The following SNRPN variants were observed in gnomAD, a reference collection of about 807,000 sequenced individuals.
SNRPN encodes the protein small nuclear ribonucleoprotein-associated protein N.
In SNRPN, 7 loss-of-function variants were observed where a neutral mutation model predicts 25.2. The observed-to-expected ratio is 0.28, with a 90% CI of 0.16 to 0.52. SNRPN has a LOEUF of 0.52. Ranked by LOEUF, SNRPN falls within the 20% of genes least tolerant of loss-of-function variation. SNRPN has a pLI of 0.96. For missense variants in SNRPN, 196 were observed against 322.5 expected, an observed-to-expected ratio of 0.61 and a Z score of 3.00; for synonymous variants, 124 against 110.6, an observed-to-expected ratio of 1.12 and a Z score of -0.76.
At chr15:24,909,871 G>A in intron 2 of SNRPN, 1 of 770,790 alleles carries the variant, frequency 1.3e-6, no homozygotes, top group Admixed American at 2.0e-5. Context: ...GAGACCAGCA[G>A]GCACAGCGGC....
chr15:24,861,633 T>C (rs2147338523), intron 1 of SNRPN, among the ~76,000 whole-genome samples: 1 of 152,306 alleles, frequency 6.6e-6, no homozygotes, highest in South Asian at 2.1e-4. Flanking sequence ...GTGACAGCTT[T>C]GACATCTCTA....
intron 2 of SNRPN, among the ~76,000 whole-genome samples, chr15:24,836,007 A>C (rs72693643): frequency 0.14 from 21,551 of 152,034 alleles, 1,791 homozygotes; most frequent in East Asian, 0.29. Context: ...ATAACAAAGT[A>C]CCAGAGACTG....
chr15:24,928,761 A>G (rs1484109311), intron 3 of SNRPN, among the ~76,000 whole-genome samples: 1 of 151,914 alleles, frequency 6.6e-6, no homozygotes, highest in African/African-American at 2.4e-5. Flanking sequence ...ACATGCCATC[A>G]TGCCTAGCTA....
rs972960483 is a variant in SNRPN at position 24,891,713 on chromosome 15, C to T, written c.-505+5124C>T. On this transcript the variant is annotated intron_variant, in intron 2 of 11. Transcript: ENST00000400097. ...TCGGCCTCCCAAAGTGTTGGGATTA[C>T]AGGGATGAGCCACCACACCCGGCAA... Among the ~76,000 whole-genome samples, 46 of 152,100 alleles carry T rather than the reference C, an allele frequency of 3.0e-4. 1 individual carries two copies. Among genetic ancestry groups the T allele is most frequent in the Non-Finnish European group, 5.9e-5 (4 of 68,018 alleles).
At chr15:24,920,061 C>A (rs1244091300) in exon 3 of SNRPN, 4 of 152,168 alleles carry the variant, frequency 2.6e-5, no homozygotes, top group Admixed American at 6.6e-5. Flanking sequence ...TACTCTTCCA[C>A]CAGAATCTCC....
chr15:24,963,315 C>T (rs1172278581), intron 2 of SNRPN, among the ~76,000 whole-genome samples: 2 of 152,164 alleles, frequency 1.3e-5, no homozygotes, highest in East Asian at 1.9e-4. Context: ...AAAGAACAGT[C>T]ACTTTGAAAA....
intron 3 of SNRPN, among the ~76,000 whole-genome samples, chr15:24,934,086 T>G (rs1460020540): frequency 6.6e-6 from 1 of 152,002 alleles, no homozygotes; most frequent in Admixed American, 6.6e-5. Flanking sequence ...TCACCTGAGT[T>G]TGGGAGTTCG....
At position 24,900,247 on chromosome 15, in the gene SNRPN, C is replaced by T. The variant is rs148734079; in HGVS notation, c.-505+13658C>T. Among the ~76,000 whole-genome samples, 144 of 152,242 alleles carry T rather than the reference C, an allele frequency of 9.5e-4. 3 individuals carry two copies. The East Asian group carries it at 0.025, about 27-fold the overall frequency. On this transcript the variant is annotated intron_variant, in intron 2 of 11. Coordinates refer to the SNRPN transcript ENST00000400097. ...GTTCCTTAATTCTCAGTTCAAGCCA[C>T]GGTTTGAAAACCTGAGAACTTCCAT... is the stretch of plus-strand genomic sequence containing the variant.
intron 2 of SNRPN, among the ~76,000 whole-genome samples, chr15:24,842,663 C>T (rs2051810615): frequency 2.0e-5 from 3 of 152,194 alleles, no homozygotes; most frequent in African/African-American, 4.8e-5. Flanking sequence ...CCCTCCCTAA[C>T]TAAAGATGTG....
At position 24,861,179 on chromosome 15, in the gene SNRPN, A is replaced by C. The variant is rs2053950219; in HGVS notation, c.-579+4463A>C. On this transcript the variant is annotated intron_variant, in intron 1 of 11. Transcript: ENST00000400097. ...TGATGCATTGCTTAATCATGGAAAT[A>C]CCTTCTGAGAAATGCATTGTTTGGT... Among the ~76,000 whole-genome samples, 3 of 152,188 alleles carry C rather than the reference A, an allele frequency of 2.0e-5. No individual in the cohort carries two copies. The South Asian group carries it at 6.2e-4, about 32-fold the overall frequency.
Position 24,881,067 on chromosome 15 carries a change from T to TA in SNRPN, c.-578-5440dup, listed in dbSNP as rs887005081. Among the ~76,000 whole-genome samples, 14 of 151,650 alleles carry TA rather than the reference T, an allele frequency of 9.2e-5. No homozygotes were observed. The East Asian group carries it at 2.3e-3, about 25-fold the overall frequency. On this transcript the variant is annotated intron_variant, in intron 1 of 11. Coordinates refer to the SNRPN transcript ENST00000400097. ...GGCTTTACATTTCACTTTTATGAACTAAAAAAAAATTGAGCCTCCACAGGG... is the reference window on the plus strand; with the variant it reads ...GGCTTTACATTTCACTTTTATGAACTAAAAAAAAAATTGAGCCTCCACAGGG...
intron 1 of SNRPN, among the ~76,000 whole-genome samples, chr15:24,867,389 G>T (rs11638582): frequency 0.36 from 30,639 of 85,082 alleles, 3,394 homozygotes; most frequent in Middle Eastern, 0.48. Flanking sequence ...TTTTTTTTTT[G>T]GGGGGGACGG....
chr15:24,861,048 G>A (rs2053939888), intron 1 of SNRPN, among the ~76,000 whole-genome samples: 1 of 152,170 alleles, frequency 6.6e-6, no homozygotes, highest in Admixed American at 6.5e-5. Flanking sequence ...GGTGGAGGTT[G>A]CATTGAGCTG....
At chr15:24,918,599 T>C (rs1470275799) in intron 2 of SNRPN, among the ~76,000 whole-genome samples, 31 of 101,448 alleles carry the variant, frequency 3.1e-4, no homozygotes, top group Admixed American at 3.5e-4. Context: ...TATATATGTA[T>C]ATATATAACA....
At chr15:24,943,024 T>G (rs2061652024) in intron 3 of SNRPN, among the ~76,000 whole-genome samples, 1 of 151,974 alleles carries the variant, frequency 6.6e-6, no homozygotes, top group Non-Finnish European at 1.5e-5. Context: ...ACAAATGTCT[T>G]TACCTTTTTT....
At chr15:24,903,057 G>GA (rs2058570871) in intron 2 of SNRPN, among the ~76,000 whole-genome samples, 2 of 152,164 alleles carry the variant, frequency 1.3e-5, no homozygotes, top group Admixed American at 1.3e-4. Flanking sequence ...ACAGAGCACT[G>GA]ATTGTTGTGT....
intron 2 of SNRPN, chr15:24,909,143 A>T: frequency 7.4e-7 from 1 of 1,349,802 alleles, no homozygotes; most frequent in Non-Finnish European, 1.1e-6. Context: ...CCTGTTCTTT[A>T]TGTATTGAGA....
rs566860041 is a variant in SNRPN, at chr15:24,845,535, T to C, written c.-579+15630T>C. Among the ~76,000 whole-genome samples the C allele has an allele frequency of 3.9e-5, 6 of 152,016 alleles. No homozygotes were observed. In the South Asian group the frequency reaches 1.2e-3, roughly 32 times the overall value. ...ATCCCTTGAACCTGGCAGACGGAAG[T>C]TGCAGTGAGCCGAGATCATGCAGTT... On this transcript the variant is annotated intron_variant, in intron 2 of 12. Transcript: ENST00000400100.
intron 2 of SNRPN, among the ~76,000 whole-genome samples, chr15:24,913,346 A>G (rs995931299): frequency 6.6e-6 from 1 of 152,162 alleles, no homozygotes; most frequent in African/African-American, 2.4e-5. Flanking sequence ...ATGCCCACTC[A>G]AGAAAGAGTA....
Sources: allele counts gnomAD v4.1 joint callset (sites outside exome capture counted in the v4.1 genomes callset), GRCh38; gene constraint gnomAD v4.1.1; transcripts MANE v1.5; gene names NCBI Gene and HGNC (gene_info 2026-07-23, HGNC 2026-07-21).